PRRC2B: variants seen among roughly 807,000 people sequenced by gnomAD.
The protein encoded by PRRC2B is proline rich coiled-coil 2B.
PRRC2B carries 68 observed loss-of-function variants against 242.3 expected under a neutral mutation model. The ratio of observed to expected loss-of-function variants is 0.28; its 90% CI spans 0.23 to 0.34. The LOEUF is 0.34. Ranked by LOEUF, PRRC2B falls within the 10% of genes least tolerant of loss-of-function variation. The pLI, the probability that PRRC2B is intolerant of heterozygous loss-of-function variation, is 1.00. For synonymous variants in PRRC2B, 1,228 were observed against 1,173.6 expected (o/e 1.05, Z -0.95); for missense variants, 2,835 against 2,954.8 (o/e 0.96, Z 0.94).
chr9:131,423,563 C>T (rs1008285290), intron 1 of PRRC2B, among the ~76,000 whole-genome samples: 1 of 152,192 alleles, frequency 6.6e-6, no homozygotes, highest in Non-Finnish European at 1.5e-5. Context: ...GGAGGAAATC[C>T]GAATGATTCT....
chr9:131,478,236 AC>A (rs1475971897), intron 17 of PRRC2B, among the ~76,000 whole-genome samples: 4 of 152,106 alleles, frequency 2.6e-5, no homozygotes, highest in African/African-American at 9.7e-5. Flanking sequence ...GAGGTCACAC[AC>A]AGCTGTAGGA....
chr9:131,389,175 A>G, upstream of PRRC2B, among the ~76,000 whole-genome samples: 1 of 123,078 alleles, frequency 8.1e-6, no homozygotes, highest in East Asian at 2.4e-4. Context: ...TTTTTGAGAC[A>G]GAGTTTCGCT....
rs1943523322 is a variant in PRRC2B at position 131,470,847 on chromosome 9, G to A, written c.1971G>A (p.Gln657=). ...QPVYPPPSHP[Q]RTFYPHHPQM... ...TGTACCCCCCGCCGTCCCACCCCCA[G>A]CGCACCTTTTACCCACACCACCCCC... is the stretch of plus-strand genomic sequence containing the variant. Residue 657 remains glutamine, a synonymous_variant, in exon 14 of 32, where the codon CAG becomes CAA. Coordinates refer to ENST00000683519, the MANE Select transcript of PRRC2B (RefSeq NM_013318.4). The A allele has an allele frequency of 5.1e-6, 7 of 1,385,742 alleles. No individual in the cohort carries two copies. In the South Asian group the frequency reaches 6.9e-5, roughly 14 times the overall value. The allele number at this position is 1,385,742 out of a possible 1,614,324, so 85.8% of individuals were successfully genotyped here. A position where few individuals can be genotyped will look rare whatever the true frequency, so the allele number is the denominator to read the frequency against.
In PRRC2B at chr9:131,475,547, G is replaced by C; in HGVS notation, c.3418G>C (p.Glu1140Gln). The C allele has an allele frequency of 6.2e-7, 1 of 1,612,772 alleles. No individual in the cohort carries two copies. Among genetic ancestry groups the C allele is most frequent in the Non-Finnish European group, 8.5e-7 (1 of 1,179,810 alleles). ...CAGTGAGACCCATAGCGAGGGCTCA[G>C]AGTATGAAGAACTTCCCAAGCGCCG... ...VASETHSEGS[E>Q]YEELPKRRRQ... The change falls in exon 16 of 32, where the codon GAG becomes CAG. Residue 1140 changes from glutamate to glutamine, a missense_variant. Physicochemically the swap from Glu to Gln is conservative, Grantham distance 29. Coordinates refer to ENST00000683519, the MANE Select transcript of PRRC2B (RefSeq NM_013318.4).
At chr9:131,413,772 A>AGCG (rs1210007660) in intron 1 of PRRC2B, among the ~76,000 whole-genome samples, 2 of 152,176 alleles carry the variant, frequency 1.3e-5, no homozygotes, top group African/African-American at 2.4e-5. Context: ...CCCAGGTTCA[A>AGCG]GCGATTCTTC....
At chr9:131,418,306 T>G (rs1564278028) in intron 1 of PRRC2B, among the ~76,000 whole-genome samples, 3 of 152,234 alleles carry the variant, frequency 2.0e-5, no homozygotes, top group South Asian at 2.1e-4. Flanking sequence ...AACTTGTGTG[T>G]AGAGAGAGAG....
intron 1 of PRRC2B, among the ~76,000 whole-genome samples, chr9:131,395,655 C>T (rs888398510): frequency 2.0e-4 from 30 of 152,212 alleles, no homozygotes; most frequent in African/African-American, 6.5e-4. Context: ...AGACGTGAGC[C>T]CCTTGTGGTG....
At chr9:131,386,947 T>C (rs1419916595) in intron 1 of PRRC2B, among the ~76,000 whole-genome samples, 1 of 150,052 alleles carries the variant, frequency 6.7e-6, no homozygotes, top group Non-Finnish European at 1.5e-5. Context: ...GTTCCAAAAC[T>C]GAAGAACTTT....
intron 1 of PRRC2B, among the ~76,000 whole-genome samples, chr9:131,376,072 G>C (rs887317468): frequency 4.7e-5 from 7 of 148,254 alleles, no homozygotes; most frequent in Non-Finnish European, 1.0e-4. Context: ...AAAAAGGCCG[G>C]GCATGGTGGC....
In PRRC2B at chr9:131,476,403, G is replaced by T; in HGVS notation, c.4274G>T (p.Arg1425Ile). 1 of 1,608,690 alleles carries T rather than the reference G, an allele frequency of 6.2e-7. No homozygotes were observed. Among genetic ancestry groups the T allele is most frequent in the Non-Finnish European group, 8.5e-7 (1 of 1,177,472 alleles). ...ELAKRSFSSQRPVVDRQSRKL... is the reference protein window; with the variant it reads ...ELAKRSFSSQIPVVDRQSRKL... ...GCCAAGAGGAGCTTCTCCAGTCAGA[G>T]ACCCGTGGTTGACAGACAGAGCCGA... Residue 1425 changes from arginine (R) to isoleucine (I), a missense_variant, in exon 16 of 32, where the codon AGA becomes ATA. Physicochemically the swap from Arg to Ile is moderately conservative, Grantham distance 97. This residue lies in a region of PRRC2B where 1,536 missense variants were observed against 1,483.1 expected (regional missense o/e 1.04). Coordinates refer to ENST00000683519, the MANE Select transcript of PRRC2B (RefSeq NM_013318.4).
chr9:131,488,144 A>G (rs775819028), intron 28 of PRRC2B, 48 bp downstream of exon 28: 3 of 1,567,488 alleles, frequency 1.9e-6, no homozygotes, highest in South Asian at 1.2e-5. Context: ...TCTTTCCTTC[A>G]CGACCTTGCC....
chr9:131,376,354 A>C lies in PRRC2B; in HGVS notation c.-56+2623A>C, dbSNP rs1209348054. ...GGGTGACAGAGTGAGACTCCATCTC[A>C]AAAAAAAAAAAAAAGGATGAAATGA... On this transcript the variant is annotated intron_variant, in intron 1 of 1. Coordinates refer to the PRRC2B transcript ENST00000682525. 1.3e-4 allele frequency among the ~76,000 whole-genome samples: 9 copies of C among 69,998 alleles called. No individual in the cohort carries two copies. In the East Asian group the frequency reaches 2.4e-3, roughly 19 times the overall value. The allele number at this position is 69,998 out of a possible 152,430, so 45.9% of individuals were successfully genotyped here.
At chr9:131,426,125 G>A (rs1837967924) in intron 1 of PRRC2B, among the ~76,000 whole-genome samples, 1 of 151,992 alleles carries the variant, frequency 6.6e-6, no homozygotes, top group Non-Finnish European at 1.5e-5. Context: ...ATCACTTGAG[G>A]CCAGGAGTTT....
intron 1 of PRRC2B, among the ~76,000 whole-genome samples, chr9:131,429,700 T>C (rs1203902900): frequency 6.6e-6 from 1 of 152,220 alleles, no homozygotes; most frequent in Non-Finnish European, 1.5e-5. Flanking sequence ...TTCAGTGTTA[T>C]ACATGGATGT....
rs566056459 is a variant in PRRC2B at position 131,485,184 on chromosome 9, A to T, written c.5758+44A>T. 5.5e-6 allele frequency: 8 copies of T among 1,458,034 alleles called. No homozygotes were observed. In the African/African-American group the frequency reaches 7.1e-5, roughly 13 times the overall value. The allele number at this position is 1,458,034 out of a possible 1,614,324, so 90.3% of individuals were successfully genotyped here. ...AAGGCCTTGGGGTCCTTCTCCATTTATTATCAAGAAAAACGGATTAACAGC... is the reference window on the plus strand; with the variant it reads ...AAGGCCTTGGGGTCCTTCTCCATTTTTTATCAAGAAAAACGGATTAACAGC... On this transcript the variant is annotated intron_variant, in intron 25 of 31. Coordinates refer to ENST00000683519, the MANE Select transcript of PRRC2B (RefSeq NM_013318.4).
At chr9:131,493,402 A>ATTC (rs2131488434) in intron 30 of PRRC2B, among the ~76,000 whole-genome samples, 1 of 152,356 alleles carries the variant, frequency 6.6e-6, no homozygotes, top group South Asian at 2.1e-4. Flanking sequence ...AACTGGAAGG[A>ATTC]GGAAGGCGGC....
intron 16 of PRRC2B, 108 bp downstream of exon 16, chr9:131,476,643 GC>G (rs1226627093): frequency 5.1e-5 from 50 of 986,066 alleles, no homozygotes; most frequent in African/African-American, 8.2e-5. Context: ...CTGGGGGCCT[GC>G]CCCCAGGCCG....
At chr9:131,408,642 A>G (rs1041150389) in intron 1 of PRRC2B, among the ~76,000 whole-genome samples, 2 of 152,206 alleles carry the variant, frequency 1.3e-5, no homozygotes, top group Non-Finnish European at 2.9e-5. Flanking sequence ...GAATGTGTAT[A>G]AGCCTGGAGG....
At chr9:131,470,223 G>A (rs1013918870) in intron 13 of PRRC2B, among the ~76,000 whole-genome samples, 2 of 152,186 alleles carry the variant, frequency 1.3e-5, no homozygotes, top group Non-Finnish European at 2.9e-5. Flanking sequence ...CTGTAACACC[G>A]TAGGTCACGA....
Sources: allele counts gnomAD v4.1 joint callset (sites outside exome capture counted in the v4.1 genomes callset), GRCh38; gene constraint gnomAD v4.1.1; regional missense constraint gnomAD v4.1.1; transcripts MANE v1.5; gene names NCBI Gene and HGNC (gene_info 2026-07-23, HGNC 2026-07-21).